Variants in CMSS1 observed in about 807,000 individuals in gnomAD.
CMSS1 encodes protein CMSS1.
Under a neutral mutation model 43.5 loss-of-function variants are expected in CMSS1, and 33 were observed. The ratio of observed to expected loss-of-function variants is 0.76; its 90% CI spans 0.57 to 1.01. CMSS1 has a LOEUF of 1.01. Ranked by LOEUF, CMSS1 falls within the 50% of genes least tolerant of loss-of-function variation. The pLI is 0.00. For missense variants in CMSS1, 313 were observed against 326.4 expected (o/e 0.96, Z 0.32); for synonymous variants, 115 against 117.2 (o/e 0.98, Z 0.12).
chr3:100,102,234 T>C (rs1035979312), intron 1 of CMSS1, among the ~76,000 whole-genome samples: 45 of 152,268 alleles, frequency 3.0e-4, no homozygotes, highest in African/African-American at 8.9e-4. Flanking sequence ...TACAGTCCCA[T>C]CAACAGTGTA....
chr3:100,021,597 A>G (rs1278524598), intron 1 of CMSS1, among the ~76,000 whole-genome samples: 2 of 152,178 alleles, frequency 1.3e-5, no homozygotes, highest in South Asian at 2.1e-4. Flanking sequence ...CTGTGACCCC[A>G]TTTTAGAAGA....
chr3:99,898,614 A>G (rs1271623774), intron 1 of CMSS1: 2 of 192,086 alleles, frequency 1.0e-5, no homozygotes, highest in Admixed American at 5.6e-5. Flanking sequence ...AAAAATACAA[A>G]AACTAGCTGG....
chr3:99,946,815 T>C (rs911502264), intron 1 of CMSS1, among the ~76,000 whole-genome samples: 1 of 152,144 alleles, frequency 6.6e-6, no homozygotes, highest in African/African-American at 2.4e-5. Context: ...AGTAGTGATT[T>C]GCTGGCTCTA....
At chr3:99,879,954 C>A (rs922743679) in intron 1 of CMSS1, among the ~76,000 whole-genome samples, 1 of 152,090 alleles carries the variant, frequency 6.6e-6, no homozygotes, top group African/African-American at 2.4e-5. Context: ...TATGAGCTTT[C>A]GGTGTTTATT....
chr3:100,115,987 G>C (rs541155767), intron 1 of CMSS1, among the ~76,000 whole-genome samples: 53 of 152,224 alleles, frequency 3.5e-4, no homozygotes, highest in African/African-American at 1.1e-3. Context: ...ACGTTTTGTA[G>C]AATGTTCCTT....
chr3:100,063,424 T>G (rs981799239), intron 1 of CMSS1, among the ~76,000 whole-genome samples: 5 of 152,120 alleles, frequency 3.3e-5, no homozygotes, highest in Non-Finnish European at 7.3e-5. Flanking sequence ...TATTATAGTA[T>G]TATTATCTGA....
chr3:99,981,110 C>T (rs1709109237), intron 1 of CMSS1, among the ~76,000 whole-genome samples: 4 of 152,162 alleles, frequency 2.6e-5, no homozygotes, highest in Admixed American at 2.6e-4. Context: ...ATTACATACT[C>T]ACACTCTGTC....
intron 2 of CMSS1, among the ~76,000 whole-genome samples, chr3:100,158,715 G>A (rs567715057): frequency 1.7e-3 from 258 of 152,246 alleles, no homozygotes; most frequent in Non-Finnish European, 3.2e-3. Flanking sequence ...AGCATGTTTC[G>A]TTTTCCTGTG....
At chr3:99,948,651 AAGAG>A (rs1364849523) in intron 1 of CMSS1, among the ~76,000 whole-genome samples, 2 of 148,124 alleles carry the variant, frequency 1.4e-5, no homozygotes, top group East Asian at 2.0e-4. Context: ...GGGAGAAAGA[AAGAG>A]GGGAAGGGAA....
intron 1 of CMSS1, among the ~76,000 whole-genome samples, chr3:99,883,537 G>A (rs1342141633): frequency 6.6e-6 from 1 of 152,068 alleles, no homozygotes; most frequent in African/African-American, 2.4e-5. Flanking sequence ...GGGGGGTGTT[G>A]TATAAACAGA....
chr3:100,178,406 GA>G lies in CMSS1; in HGVS notation c.*19del, dbSNP rs770432550. On this transcript the variant is annotated 3_prime_UTR_variant, in exon 10 of 10. Coordinates refer to ENST00000421999, the MANE Select transcript of CMSS1 (RefSeq NM_032359.4). ...TTTTCTAAGTCTGTGTCCTAATGAA[GA>G]TTCCAGTTTTCACAGTAGAAGTTGC... The G allele has an allele frequency of 6.5e-7, 1 of 1,539,088 alleles. No homozygotes were observed. The highest frequency in any genetic ancestry group is 1.1e-5 in the South Asian group (1 of 88,232).
At chr3:99,964,545 C>G (rs1708590234) in intron 1 of CMSS1, 1 of 152,286 alleles carries the variant, frequency 6.6e-6, no homozygotes, top group South Asian at 2.1e-4. Context: ...AATCTCATTC[C>G]TCACTCTGTT....
At chr3:100,066,043 T>C (rs1041428415) in intron 1 of CMSS1, among the ~76,000 whole-genome samples, 1 of 152,222 alleles carries the variant, frequency 6.6e-6, no homozygotes, top group Admixed American at 6.5e-5. Context: ...CACATTAAAG[T>C]TTGAGAGCCA....
At chr3:99,929,681 G>A (rs1490081702) in intron 1 of CMSS1, among the ~76,000 whole-genome samples, 1 of 152,102 alleles carries the variant, frequency 6.6e-6, no homozygotes, top group Non-Finnish European at 1.5e-5. Flanking sequence ...TCCTGTCTAT[G>A]GTTCATTCTT....
Position 100,097,499 on chromosome 3 carries a change from C to T in CMSS1, c.65-49474C>T, listed in dbSNP as rs559943162. On this transcript the variant is annotated intron_variant, in intron 1 of 9. Coordinates refer to ENST00000421999, the MANE Select transcript of CMSS1 (RefSeq NM_032359.4). ...AGGGACAACCCGGTATTCTAATCCA[C>T]GAACACAGTATATCTCTCTATTTTT... Among the ~76,000 whole-genome samples the T allele has an allele frequency of 3.9e-5, 6 of 152,262 alleles. 1 individual carries two copies. The South Asian group carries it at 1.0e-3, about 26-fold the overall frequency.
intron 1 of CMSS1, among the ~76,000 whole-genome samples, chr3:100,043,657 A>AT (rs897106238): frequency 6.6e-6 from 1 of 152,204 alleles, no homozygotes; most frequent in African/African-American, 2.4e-5. Flanking sequence ...GATATGTTGA[A>AT]TTTATTTTTT....
At chr3:100,128,271 C>T (rs571287910) in intron 1 of CMSS1, among the ~76,000 whole-genome samples, 196 of 152,312 alleles carry the variant, frequency 1.3e-3, no homozygotes, top group Middle Eastern at 3.4e-3. Flanking sequence ...TCCTAAAATA[C>T]AGCAACAAAT....
chr3:99,992,879 A>C (rs572685522), intron 1 of CMSS1, among the ~76,000 whole-genome samples: 2 of 152,206 alleles, frequency 1.3e-5, no homozygotes, highest in South Asian at 4.1e-4. Flanking sequence ...ATTCTTTTGC[A>C]TGTGACTATC....
intron 1 of CMSS1, among the ~76,000 whole-genome samples, chr3:99,874,818 CA>C (rs1396630307): frequency 8.5e-5 from 13 of 152,158 alleles, no homozygotes; most frequent in South Asian, 4.1e-4. Flanking sequence ...AATATAAAAA[CA>C]TGAGTTTGTA....
Sources: gnomAD v4.1 joint callset for allele counts (sites outside exome capture counted in the v4.1 genomes callset) on GRCh38, gnomAD v4.1.1 for gene constraint, MANE v1.5 for transcripts, NCBI Gene and HGNC (gene_info 2026-07-23, HGNC 2026-07-21) for gene names.